Variants in CUL2 observed in about 807,000 individuals in gnomAD.
CUL2 encodes cullin-2.
CUL2 carries 22 observed loss-of-function variants against 110.2 expected under a neutral mutation model. That is an observed-to-expected ratio of 0.20 (90% CI 0.14 to 0.28). The LOEUF (loss-of-function observed/expected upper bound fraction) is 0.28. Among genes scored for constraint, CUL2 ranks in the 10% least tolerant of loss-of-function variants. CUL2 has a pLI of 1.00. For synonymous variants in CUL2, 279 were observed against 293.2 expected (o/e 0.95, Z 0.49); for missense variants, 631 against 905.5 (o/e 0.70, Z 3.89).
At chr10:35,073,231 G>A (rs948218616) in intron 1 of CUL2, among the ~76,000 whole-genome samples, 3 of 152,110 alleles carry the variant, frequency 2.0e-5, no homozygotes, top group Non-Finnish European at 2.9e-5. Context: ...TATCTATAAC[G>A]GATTAGCAGC....
At chr10:35,066,547 G>T (rs540776505) in intron 2 of CUL2, among the ~76,000 whole-genome samples, 1 of 152,146 alleles carries the variant, frequency 6.6e-6, no homozygotes, top group African/African-American at 2.4e-5. Flanking sequence ...TGATCCACCC[G>T]CCTCAACCTC....
chr10:35,049,000 A>T (rs573364708), intron 6 of CUL2, among the ~76,000 whole-genome samples: 1 of 152,326 alleles, frequency 6.6e-6, no homozygotes, highest in Non-Finnish European at 1.5e-5. Flanking sequence ...TCACTGGTCT[A>T]GATAATTCCT....
rs780953273 is a variant in CUL2, at chr10:35,010,428, T to C, written c.2121A>G (p.Ser707=). The change falls in exon 21 of 21, where the codon TCA becomes TCG. Residue 707 remains serine, a synonymous_variant. Transcript: ENST00000374749. ...TGATACTGGGATTAAACCTAGCTCT[T>C]GACTGGCTAATCACCTGTGGAAGAG... is the stretch of plus-strand genomic sequence containing the variant. ...NALIQEVISQ[S]RARFNPSISM... is the part of the protein sequence containing the mutation. 8.1e-6 allele frequency: 13 copies of C among 1,609,822 alleles called. No individual in the cohort carries two copies. In the East Asian group the frequency reaches 2.7e-4, roughly 33 times the overall value.
intron 15 of CUL2, 136 bp downstream of exon 15, chr10:35,029,352 C>G: frequency 1.7e-6 from 1 of 604,186 alleles, no homozygotes; most frequent in Non-Finnish European, 2.6e-6. Flanking sequence ...CCACCACGCC[C>G]AGCCCAAATC....
chr10:35,080,740 C>G (rs2086927155), intron 1 of CUL2, among the ~76,000 whole-genome samples: 1 of 152,132 alleles, frequency 6.6e-6, no homozygotes, highest in Non-Finnish European at 1.5e-5. Context: ...CAGGCGTGTG[C>G]CACCGCACCC....
Position 35,040,829 on chromosome 10 carries a change from C to T in CUL2, c.715-1747G>A, listed in dbSNP as rs193232191. On this transcript the variant is annotated intron_variant, in intron 8 of 20. Coordinates refer to ENST00000374749, the MANE Select transcript of CUL2 (RefSeq NM_003591.4). Reference sequence around the variant, plus strand: ...TCTAAAGAGCGCACATCCTAGACCCCTTGCATGCAGAGTTCACAATGGAGT... The same window carrying T: ...TCTAAAGAGCGCACATCCTAGACCCTTTGCATGCAGAGTTCACAATGGAGT... Among the ~76,000 whole-genome samples, 1,004 of 152,274 alleles carry T rather than the reference C, an allele frequency of 6.6e-3. 8 individuals are homozygous for T. Among genetic ancestry groups the T allele is most frequent in the Non-Finnish European group, 8.1e-3 (548 of 68,018 alleles).
intron 8 of CUL2, 30 bp downstream of exon 8, chr10:35,044,536 T>C (rs755235469): frequency 2.1e-6 from 3 of 1,397,550 alleles, no homozygotes; most frequent in African/African-American, 1.4e-5. Flanking sequence ...ACAAAATAGA[T>C]AAATGTATTC....
chr10:35,028,876 C>A lies in CUL2; in HGVS notation c.1551G>T (p.Trp517Cys). The change falls in exon 16 of 21, where the codon TGG becomes TGT. Residue 517 changes from tryptophan (W) to cysteine (C), a missense_variant. Coordinates refer to ENST00000374749, the MANE Select transcript of CUL2 (RefSeq NM_003591.4). ...TAGATGAAGGAGCCTGAGTAAGAGG[C>A]CACGCACCAGCCTAGAAGGAAAAAA... ...FQIYVLQAGA[W>C]PLTQAPSSTF... The A allele has an allele frequency of 6.2e-7, 1 of 1,606,718 alleles. No homozygotes were observed. The highest frequency in any genetic ancestry group is 1.1e-5 in the South Asian group (1 of 90,164).
chr10:35,061,293 G>T (rs2086374139), intron 3 of CUL2, among the ~76,000 whole-genome samples: 1 of 151,768 alleles, frequency 6.6e-6, no homozygotes, highest in African/African-American at 2.4e-5. Context: ...GACCAACATG[G>T]TGAAACCCCG....
chr10:35,103,332 T>TTA (rs2087411540), intron 1 of CUL2, among the ~76,000 whole-genome samples: 5 of 77,878 alleles, frequency 6.4e-5, no homozygotes, highest in Non-Finnish European at 1.5e-4. Flanking sequence ...TTTTTTTTTT[T>TTA]ATTTTTTTTT....
At chr10:35,085,892 G>A (rs151272870) in intron 1 of CUL2, among the ~76,000 whole-genome samples, 35 of 152,160 alleles carry the variant, frequency 2.3e-4, no homozygotes, top group African/African-American at 7.9e-4. Flanking sequence ...GTTGAAAAAC[G>A]GTTGGGTACT....
chr10:35,106,306 T>C (rs1020181139), intron 1 of CUL2, among the ~76,000 whole-genome samples: 1 of 139,292 alleles, frequency 7.2e-6, no homozygotes, highest in African/African-American at 2.5e-5. Context: ...TGTTTTTTGT[T>C]TTTTTTTTTG....
chr10:35,033,903 G>GA (rs1159621814), intron 10 of CUL2, among the ~76,000 whole-genome samples: 3 of 151,976 alleles, frequency 2.0e-5, no homozygotes, highest in African/African-American at 7.2e-5. Context: ...AACAAGACCT[G>GA]AACTACCAGG....
chr10:35,050,322 C>CAAA (rs71523355), intron 5 of CUL2, among the ~76,000 whole-genome samples: 1 of 90,948 alleles, frequency 1.1e-5, no homozygotes. Flanking sequence ...GACTCCGTCT[C>CAAA]AAAAAAAAAA....
At chr10:35,029,457 T>C (rs1351047159) in intron 15 of CUL2, 31 bp downstream of exon 15, 6 of 1,388,034 alleles carry the variant, frequency 4.3e-6, no homozygotes, top group Non-Finnish European at 5.9e-6. Flanking sequence ...AAATGATTAG[T>C]AAATGCTCAT....
intron 18 of CUL2, among the ~76,000 whole-genome samples, 183 bp downstream of exon 18, chr10:35,016,009 C>T (rs556965665): frequency 6.6e-5 from 10 of 152,364 alleles, no homozygotes; most frequent in Admixed American, 1.3e-4. Flanking sequence ...ATGGCACCAA[C>T]TCACACAGCA....
At chr10:35,088,089 T>A (rs2087105684) in intron 1 of CUL2, among the ~76,000 whole-genome samples, 1 of 152,210 alleles carries the variant, frequency 6.6e-6, no homozygotes, top group Non-Finnish European at 1.5e-5. Flanking sequence ...GTATCTGAAG[T>A]AATCTCCCAA....
At chr10:35,043,404 G>A (rs1382221665) in intron 8 of CUL2, among the ~76,000 whole-genome samples, 3 of 152,116 alleles carry the variant, frequency 2.0e-5, no homozygotes, top group Admixed American at 6.5e-5. Flanking sequence ...TTTGCTCAGG[G>A]GACAGAGCTA....
chr10:35,033,958 A>C (rs2085546867), intron 10 of CUL2, among the ~76,000 whole-genome samples: 1 of 152,178 alleles, frequency 6.6e-6, no homozygotes, highest in African/African-American at 2.4e-5. Flanking sequence ...ACTGCCTGCA[A>C]AGTCACTAAA....
Sources: gnomAD v4.1 joint callset for allele counts (sites outside exome capture counted in the v4.1 genomes callset) on GRCh38, gnomAD v4.1.1 for gene constraint, MANE v1.5 for transcripts, NCBI Gene and HGNC (gene_info 2026-07-23, HGNC 2026-07-21) for gene names.